PTPRD: variants seen among roughly 807,000 people sequenced by gnomAD.
The protein encoded by PTPRD is receptor-type tyrosine-protein phosphatase delta.
Under a neutral mutation model 214.5 loss-of-function variants are expected in PTPRD, and 34 were observed. The ratio of observed to expected loss-of-function variants is 0.16; its 90% confidence interval spans 0.12 to 0.21. The LOEUF (loss-of-function observed/expected upper bound fraction) is 0.21, where lower values mean the gene tolerates loss of function less well. Among genes scored for constraint, PTPRD ranks in the 10% least tolerant of loss-of-function variants. The pLI, the probability that PTPRD is intolerant of heterozygous loss-of-function variation, is 1.00. For missense variants in PTPRD, 2,545 were observed against 2,398.7 expected, an observed-to-expected ratio of 1.06 and a Z score of -1.27; for synonymous variants, 1,128 against 845.7, an observed-to-expected ratio of 1.33 and a Z score of -5.79.
At chr9:9,163,928 A>C (rs1398337282) in intron 10 of PTPRD, among the ~76,000 whole-genome samples, 1 of 152,132 alleles carries the variant, frequency 6.6e-6, no homozygotes, top group African/African-American at 2.4e-5. Flanking sequence ...CCATCCTTCA[A>C]GTCTTATGTT....
Position 8,507,427 on chromosome 9 carries a change from C to A in PTPRD, c.1551G>T (p.Gly517=), listed in dbSNP as rs202247306. ...GTTCTGCTTTGAAGTTTAGTGGCTG[C>A]CCTGGTACTAAAAACAGGGAGGCAA... ...IQVITQTGVP[G]QPLNFKAEPE... Residue 517 remains glycine, a synonymous_variant, in exon 22 of 46, where the codon GGG becomes GGT. Transcript: ENST00000381196. 6.2e-7 allele frequency: 1 copy of A among 1,611,932 alleles called. No individual in the cohort carries two copies. Among genetic ancestry groups the A allele is most frequent in the African/African-American group, 1.3e-5 (1 of 74,906 alleles).
intron 11 of PTPRD, among the ~76,000 whole-genome samples, chr9:8,878,804 G>A (rs1247770069): frequency 6.6e-6 from 1 of 152,138 alleles, no homozygotes; most frequent in African/African-American, 2.4e-5. Flanking sequence ...ATTGGGAAGG[G>A]ATTACAGCAT....
intron 10 of PTPRD, among the ~76,000 whole-genome samples, chr9:9,107,639 C>T (rs1466317289): frequency 6.6e-6 from 1 of 152,120 alleles, no homozygotes; most frequent in African/African-American, 2.4e-5. Context: ...AGGCTGCCAA[C>T]TGTTTATATA....
chr9:10,091,561 G>A (rs1461860048), intron 3 of PTPRD, among the ~76,000 whole-genome samples: 1 of 151,408 alleles, frequency 6.6e-6, no homozygotes, highest in Non-Finnish European at 1.5e-5. Flanking sequence ...AAAGTCTTAA[G>A]TCTAAACATT....
chr9:9,150,558 C>T (rs1031393340), intron 10 of PTPRD, among the ~76,000 whole-genome samples: 1 of 150,252 alleles, frequency 6.7e-6, no homozygotes, highest in African/African-American at 2.4e-5. Flanking sequence ...GGTGTGATTT[C>T]AGCTCAGCAA....
intron 11 of PTPRD, among the ~76,000 whole-genome samples, chr9:8,840,783 T>C (rs2097543133): frequency 6.6e-6 from 1 of 152,192 alleles, no homozygotes; most frequent in Non-Finnish European, 1.5e-5. Context: ...AATTAAATGA[T>C]TGAAAATGAC....
At chr9:9,237,483 T>C (rs2099967562) in intron 9 of PTPRD, among the ~76,000 whole-genome samples, 1 of 152,098 alleles carries the variant, frequency 6.6e-6, no homozygotes, top group Admixed American at 6.6e-5. Flanking sequence ...AACTGAGTAT[T>C]TAAAAAACCG....
chr9:8,335,265 C>G (rs965489039), intron 43 of PTPRD, among the ~76,000 whole-genome samples: 1 of 151,138 alleles, frequency 6.6e-6, no homozygotes, highest in Non-Finnish European at 1.5e-5. Flanking sequence ...CAAACCGAAT[C>G]CAGCAGCACA....
intron 3 of PTPRD, among the ~76,000 whole-genome samples, chr9:10,142,119 C>T (rs28892967): frequency 0.065 from 9,842 of 151,724 alleles, 376 homozygotes; most frequent in Admixed American, 0.13. Context: ...ATACAAAAAT[C>T]AATTCAAGAT....
chr9:8,547,223 T>C (rs2080442304), intron 14 of PTPRD, among the ~76,000 whole-genome samples: 1 of 152,204 alleles, frequency 6.6e-6, no homozygotes, highest in Non-Finnish European at 1.5e-5. Flanking sequence ...CTGAGAAATG[T>C]TAAAGTCACC....
chr9:10,081,502 A>T (rs1004769127), intron 3 of PTPRD, among the ~76,000 whole-genome samples: 5 of 151,970 alleles, frequency 3.3e-5, no homozygotes, highest in African/African-American at 1.2e-4. Flanking sequence ...AATAAAAGAG[A>T]CCTTCACAGT....
intron 7 of PTPRD, among the ~76,000 whole-genome samples, chr9:9,638,016 C>A (rs1418184712): frequency 6.6e-6 from 1 of 152,136 alleles, no homozygotes; most frequent in Non-Finnish European, 1.5e-5. Flanking sequence ...CATTCTGGGC[C>A]TGTATAGGAG....
chr9:9,846,953 A>G (rs546941673), intron 5 of PTPRD, among the ~76,000 whole-genome samples: 1 of 152,280 alleles, frequency 6.6e-6, no homozygotes, highest in South Asian at 2.1e-4. Context: ...GTGTAAAACT[A>G]GCAGGGAGAA....
chr9:9,534,167 G>A (rs953970347), intron 8 of PTPRD, among the ~76,000 whole-genome samples: 1 of 152,056 alleles, frequency 6.6e-6, no homozygotes, highest in African/African-American at 2.4e-5. Flanking sequence ...GTTTTGTCTA[G>A]TAAGGAAGAT....
chr9:9,740,771 G>C (rs901964448), intron 6 of PTPRD, among the ~76,000 whole-genome samples: 1 of 152,180 alleles, frequency 6.6e-6, no homozygotes, highest in Non-Finnish European at 1.5e-5. Flanking sequence ...TTAGTGGAAA[G>C]TATTACATGT....
intron 34 of PTPRD, among the ~76,000 whole-genome samples, chr9:8,442,830 T>A (rs769930126): frequency 6.6e-6 from 1 of 152,120 alleles, no homozygotes; most frequent in African/African-American, 2.4e-5. Context: ...TAGATTTAAT[T>A]TGTGACTGGG....
chr9:9,507,740 T>G (rs534453276), intron 8 of PTPRD, among the ~76,000 whole-genome samples: 125 of 151,614 alleles, frequency 8.2e-4, no homozygotes, highest in African/African-American at 2.9e-3. Flanking sequence ...AACTCTAATC[T>G]TAGTGTATGT....
chr9:10,181,547 G>A (rs2099287132), intron 3 of PTPRD, among the ~76,000 whole-genome samples: 1 of 150,832 alleles, frequency 6.6e-6, no homozygotes, highest in Non-Finnish European at 1.5e-5. Flanking sequence ...TTTTTTTTCA[G>A]TTAAAGATCA....
At chr9:9,332,194 A>G (rs987547188) in intron 9 of PTPRD, among the ~76,000 whole-genome samples, 1 of 152,052 alleles carries the variant, frequency 6.6e-6, no homozygotes, top group Non-Finnish European at 1.5e-5. Flanking sequence ...TCAGTCATTT[A>G]TGTGCTTGCT....
Sources: allele counts gnomAD v4.1 joint callset (sites outside exome capture counted in the v4.1 genomes callset), GRCh38; gene constraint gnomAD v4.1.1; transcripts MANE v1.5; gene names NCBI Gene and HGNC (gene_info 2026-07-23, HGNC 2026-07-21).